The following WDFY3 variants were observed in gnomAD, a reference collection of about 807,000 sequenced individuals.
WDFY3 encodes the protein WD repeat and FYVE domain-containing protein 3.
Under a neutral mutation model 409.6 loss-of-function variants are expected in WDFY3, and 66 were observed. The ratio of observed to expected loss-of-function variants is 0.16; its 90% CI spans 0.13 to 0.20. The LOEUF (loss-of-function observed/expected upper bound fraction) is 0.20, where lower values mean the gene tolerates loss of function less well. Ranked by LOEUF, WDFY3 falls within the 10% of genes least tolerant of loss-of-function variation. WDFY3 has a pLI of 1.00. For missense variants in WDFY3, 3,031 were observed against 4,298.1 expected (o/e 0.71, Z 8.24); for synonymous variants, 1,521 against 1,537.1 (o/e 0.99, Z 0.25).
At chr4:84,773,888 T>C (rs1245324098) in intron 29 of WDFY3, among the ~76,000 whole-genome samples, 2 of 152,084 alleles carry the variant, frequency 1.3e-5, no homozygotes, top group Admixed American at 6.5e-5. Flanking sequence ...GCCTGGCTAA[T>C]TGTTCCTATT....
chr4:84,822,656 G>C (rs1471583910), intron 10 of WDFY3, among the ~76,000 whole-genome samples: 2 of 152,108 alleles, frequency 1.3e-5, no homozygotes, highest in African/African-American at 4.8e-5. Context: ...AGGTTGCAGT[G>C]GGCTATGATC....
rs116957828 is a variant in WDFY3 at position 84,688,760 on chromosome 4, C to T, written c.9364-495G>A. Among the ~76,000 whole-genome samples the T allele has an allele frequency of 8.7e-3, 1,328 of 152,204 alleles. 44 individuals are homozygous for T. The highest frequency in any genetic ancestry group is 0.059 in the Admixed American group (905 of 15,280). On this transcript the variant is annotated intron_variant, in intron 61 of 67. Transcript: ENST00000295888. ...CTGCGAGAACCACATGGCTGTAGCA[C>T]GTGGTCTACAATAGACAAAGCGAGA... is the stretch of plus-strand genomic sequence containing the variant.
In WDFY3 at chr4:84,801,847, T is replaced by G; in HGVS notation, c.2625A>C (p.Gln875His). 6.2e-7 allele frequency: 1 copy of G among 1,614,096 alleles called. No homozygotes were observed. Among genetic ancestry groups the G allele is most frequent in the Non-Finnish European group, 8.5e-7 (1 of 1,179,942 alleles). ...VTQPEHALDLQLAVANILQSL... is the reference protein window; with the variant it reads ...VTQPEHALDLHLAVANILQSL... Reference sequence around the variant, plus strand: ...ATTGTAAAATATTTGCCACGGCAAGTTGAAGATCCAAAGCATGCTAAAATC... The same window carrying G: ...ATTGTAAAATATTTGCCACGGCAAGGTGAAGATCCAAAGCATGCTAAAATC... The change falls in exon 17 of 68, where the codon CAA becomes CAC. Residue 875 changes from glutamine (Q) to histidine (H), a missense_variant. Gln to His is a conservative substitution (Grantham distance 24, BLOSUM62 0). Coordinates refer to ENST00000295888, the MANE Select transcript of WDFY3 (RefSeq NM_014991.6).
In WDFY3 at chr4:84,732,440, T is replaced by C. The variant is rs550333054; in HGVS notation, c.7221+942A>G. 1.9e-3 allele frequency among the ~76,000 whole-genome samples: 287 copies of C among 152,202 alleles called. 1 individual carries two copies. The highest frequency in any genetic ancestry group is 3.4e-3 in the Non-Finnish European group (229 of 68,034). On this transcript the variant is annotated intron_variant, in intron 44 of 67. Coordinates refer to ENST00000295888, the MANE Select transcript of WDFY3 (RefSeq NM_014991.6). ...AATTTTGAAATGTACAATAGATTAT[T>C]ATCAATTATAGTCACTATGGAATGT...
chr4:84,880,477 G>T (rs1160396516), intron 3 of WDFY3, among the ~76,000 whole-genome samples: 1 of 150,864 alleles, frequency 6.6e-6, no homozygotes, highest in Admixed American at 6.6e-5. Flanking sequence ...TTTATGGATT[G>T]GCATTATCTG....
At chr4:84,924,145 T>C (rs1410733208) in intron 2 of WDFY3, among the ~76,000 whole-genome samples, 1 of 152,214 alleles carries the variant, frequency 6.6e-6, no homozygotes, top group Non-Finnish European at 1.5e-5. Flanking sequence ...ATTAAAGGAA[T>C]CTTTTTTCTA....
chr4:84,799,042 A>C (rs1750012832), intron 17 of WDFY3, among the ~76,000 whole-genome samples: 1 of 152,018 alleles, frequency 6.6e-6, no homozygotes, highest in Admixed American at 6.6e-5. Flanking sequence ...AGAATGCTGT[A>C]CTCCTTCTCT....
chr4:84,793,310 T>C (rs1301634390), intron 21 of WDFY3, among the ~76,000 whole-genome samples: 3 of 152,160 alleles, frequency 2.0e-5, no homozygotes, highest in Non-Finnish European at 4.4e-5. Context: ...AAAGGAGATG[T>C]AGGTTTTATA....
chr4:84,808,364 G>A lies in WDFY3; in HGVS notation c.2399C>T (p.Pro800Leu). 2 of 1,613,910 alleles carry A rather than the reference G, an allele frequency of 1.2e-6. No homozygotes were observed. Among genetic ancestry groups the A allele is most frequent in the Non-Finnish European group, 1.7e-6 (2 of 1,179,856 alleles). Residue 800 changes from proline (P) to leucine (L), a missense_variant, in exon 15 of 68, where the codon CCT (proline) becomes CTT (leucine). Physicochemically the swap from Pro to Leu is moderately conservative, Grantham distance 98. Transcript: ENST00000295888. Reference sequence around the variant, plus strand: ...CCTGGACAAAGCTGGTGTACCCCAAGGAGAGGGGAGAGAAGACTCACTTGT... The same window carrying A: ...CCTGGACAAAGCTGGTGTACCCCAAAGAGAGGGGAGAGAAGACTCACTTGT... Reference protein sequence around the residue: ...CLTSESSLPSPWGTPALSRKR... With the variant: ...CLTSESSLPSLWGTPALSRKR...
At chr4:84,873,270 A>G (rs1185609086) in intron 3 of WDFY3, among the ~76,000 whole-genome samples, 2 of 152,190 alleles carry the variant, frequency 1.3e-5, no homozygotes, top group Admixed American at 1.3e-4. Context: ...GACAGACCAC[A>G]CTCTGTGCTA....
At chr4:84,873,502 A>ATT (rs1560974884) in intron 3 of WDFY3, among the ~76,000 whole-genome samples, 3 of 152,180 alleles carry the variant, frequency 2.0e-5, no homozygotes, top group Admixed American at 6.5e-5. Flanking sequence ...TGAGGAAAAA[A>ATT]TTTTCCTCAC....
At chr4:84,815,100 T>C (rs778811659) in intron 13 of WDFY3, among the ~76,000 whole-genome samples, 1 of 152,136 alleles carries the variant, frequency 6.6e-6, no homozygotes, top group Non-Finnish European at 1.5e-5. Flanking sequence ...GGAAAAATAA[T>C]GTTTTTCTCA....
intron 56 of WDFY3, 79 bp downstream of exon 56, chr4:84,702,274 C>T: frequency 1.4e-6 from 2 of 1,431,152 alleles, no homozygotes; most frequent in Non-Finnish European, 9.3e-7. Flanking sequence ...GTGCTGCAGA[C>T]AATCTTCAGA....
intron 2 of WDFY3, among the ~76,000 whole-genome samples, chr4:84,907,363 G>A (rs1398077663): frequency 6.6e-6 from 1 of 152,092 alleles, no homozygotes; most frequent in African/African-American, 2.4e-5. Context: ...CAGATTACTT[G>A]CCCTGAAGGA....
chr4:84,692,606 T>C (rs971360426), intron 59 of WDFY3, among the ~76,000 whole-genome samples: 3 of 151,962 alleles, frequency 2.0e-5, no homozygotes, highest in Non-Finnish European at 1.5e-5. Flanking sequence ...ATTTACAAGG[T>C]TTTGGTATTT....
chr4:84,821,753 C>T (rs984555231), intron 10 of WDFY3, among the ~76,000 whole-genome samples: 3 of 152,072 alleles, frequency 2.0e-5, no homozygotes, highest in African/African-American at 7.2e-5. Context: ...AACTTTAATG[C>T]ATTATTATGA....
intron 47 of WDFY3, 103 bp from the exon 48 acceptor site, chr4:84,718,673 G>A: frequency 7.5e-7 from 1 of 1,335,340 alleles, no homozygotes; most frequent in South Asian, 1.7e-5. Flanking sequence ...TTAAATCAGA[G>A]TTTAAGCATA....
chr4:84,676,127 T>G (rs914564756), intron 67 of WDFY3, among the ~76,000 whole-genome samples: 2 of 151,704 alleles, frequency 1.3e-5, no homozygotes, highest in African/African-American at 4.8e-5. Flanking sequence ...TATACAAAGT[T>G]GAAACACAAG....
At chr4:84,771,090 A>G (rs936677187) in intron 30 of WDFY3, among the ~76,000 whole-genome samples, 1 of 152,186 alleles carries the variant, frequency 6.6e-6, no homozygotes, top group Admixed American at 6.5e-5. Flanking sequence ...ACTGAATTCA[A>G]TGGACAGCAA....
Sources: gnomAD v4.1 joint callset for allele counts (sites outside exome capture counted in the v4.1 genomes callset) on GRCh38, gnomAD v4.1.1 for gene constraint, MANE v1.5 for transcripts, NCBI Gene and HGNC (gene_info 2026-07-23, HGNC 2026-07-21) for gene names.